Variants in KLHL3 observed in about 807,000 individuals in gnomAD.
KLHL3 encodes the protein kelch like family member 3.
A neutral mutation model predicts 70.5 loss-of-function variants in KLHL3; 19 were observed. The ratio of observed to expected loss-of-function variants is 0.27; its 90% CI spans 0.19 to 0.40. KLHL3 has a LOEUF of 0.40. Among genes scored for constraint, KLHL3 ranks in the 10% least tolerant of loss-of-function variants. The probability of loss-of-function intolerance (pLI) is 1.00; values close to 1 mark genes in which losing one functional copy is unlikely to be tolerated. For missense variants in KLHL3, 512 were observed against 771.1 expected (o/e 0.66, Z 3.98); for synonymous variants, 258 against 290.3 (o/e 0.89, Z 1.13).
Position 137,621,571 on chromosome 5 carries a change from A to T in KLHL3, c.*527T>A, listed in dbSNP as rs1750300605. 1 of 153,690 alleles carries T rather than the reference A, an allele frequency of 6.5e-6. No individual in the cohort carries two copies. The highest frequency in any genetic ancestry group is 1.5e-5 in the Non-Finnish European group (1 of 68,800). The allele number at this position is 153,690 out of a possible 1,614,324, so 9.5% of individuals were successfully genotyped here. A position where few individuals can be genotyped will look rare whatever the true frequency, so the allele number is the denominator to read the frequency against. ...CAGAGAACTGCCCCTCTCACTGGTT[A>T]TTTCTGGACATTCCCAGACTGTCCA... is the stretch of plus-strand genomic sequence containing the variant. On this transcript the variant is annotated 3_prime_UTR_variant, in exon 15 of 15. Transcript: ENST00000309755.
Position 137,639,175 on chromosome 5 carries a change from C to G in KLHL3, c.1022-25G>C, listed in dbSNP as rs1315698109. ...CCTGAGGCACAGGAAACCAAGACATCAAGGTCAGGTCAGGCGCATGACTGC... is the reference window on the plus strand; with the variant it reads ...CCTGAGGCACAGGAAACCAAGACATGAAGGTCAGGTCAGGCGCATGACTGC... On this transcript the variant is annotated intron_variant, in intron 9 of 14. Transcript: ENST00000309755. This position sits in a 1 kb window ranked among gnomAD's most constrained non-coding sequence, Gnocchi z 5.0. 1 of 1,610,644 alleles carries G rather than the reference C, an allele frequency of 6.2e-7. No homozygotes were observed. The highest frequency in any genetic ancestry group is 8.5e-7 in the Non-Finnish European group (1 of 1,178,044).
Position 137,625,782 on chromosome 5 carries a change from G to T in KLHL3, c.1706C>A (p.Thr569Lys), listed in dbSNP as rs371683196. The part of the protein sequence containing the change: ...PVTDKWTLLP[T>K]NMSTGRSYAG... ...ATAGCTCCGCCCCGTGCTCATGTTC[G>T]TTGGAAGCAGCGTCCATTTGTCAGT... is the stretch of plus-strand genomic sequence containing the variant. Residue 569 changes from threonine (T) to lysine (K), a missense_variant, in exon 14 of 15, where the codon ACG becomes AAG. By Grantham distance (78) the Thr-to-Lys change is moderately conservative (BLOSUM62 -1). Coordinates refer to ENST00000309755, the MANE Select transcript of KLHL3 (RefSeq NM_017415.3). The T allele has an allele frequency of 6.2e-7, 1 of 1,614,014 alleles. No individual in the cohort carries two copies. Among genetic ancestry groups the T allele is most frequent in the Admixed American group, 1.7e-5 (1 of 60,002 alleles).
chr5:137,645,144 G>T (rs537491105), intron 8 of KLHL3, among the ~76,000 whole-genome samples: 1 of 152,198 alleles, frequency 6.6e-6, no homozygotes, highest in East Asian at 1.9e-4. Context: ...CAACAAATTA[G>T]AAATAGAAGG....
At position 137,639,411 on chromosome 5, in the gene KLHL3, G is replaced by C. The variant is rs1293155360; in HGVS notation, c.1022-261C>G. On this transcript the variant is annotated intron_variant, in intron 9 of 14. Coordinates refer to ENST00000309755, the MANE Select transcript of KLHL3 (RefSeq NM_017415.3). This position sits in a 1 kb window ranked among gnomAD's most constrained non-coding sequence, Gnocchi z 5.0. ...CCCAAAAGAGCCAAAAACTGTGCAAGTGGCCGGGCATGGTAGCTCACGCCT... is the reference window on the plus strand; with the variant it reads ...CCCAAAAGAGCCAAAAACTGTGCAACTGGCCGGGCATGGTAGCTCACGCCT... Among the ~76,000 whole-genome samples, 1 of 152,144 alleles carries C rather than the reference G, an allele frequency of 6.6e-6. No individual in the cohort carries two copies. Among genetic ancestry groups the C allele is most frequent in the Non-Finnish European group, 1.5e-5 (1 of 68,028 alleles).
intron 10 of KLHL3, among the ~76,000 whole-genome samples, chr5:137,638,484 C>T (rs1481930766): frequency 6.6e-6 from 1 of 152,096 alleles, no homozygotes; most frequent in Non-Finnish European, 1.5e-5. Context: ...GGAGGCTCAC[C>T]TATGGTGAAA....
intron 2 of KLHL3, among the ~76,000 whole-genome samples, chr5:137,712,424 G>C (rs1279186635): frequency 6.6e-6 from 1 of 152,202 alleles, no homozygotes. Flanking sequence ...TGGGTGGAAA[G>C]TGTATCTTAA....
chr5:137,699,382 C>G (rs1283187410), intron 3 of KLHL3, among the ~76,000 whole-genome samples: 1 of 152,116 alleles, frequency 6.6e-6, no homozygotes, highest in Non-Finnish European at 1.5e-5. Context: ...CAGGGCTTGA[C>G]AAGCCCTGTA....
At chr5:137,625,663 A>G (rs1053390084) in intron 14 of KLHL3, 90 bp downstream of exon 14, 2 of 1,489,878 alleles carry the variant, frequency 1.3e-6, no homozygotes, top group Non-Finnish European at 1.8e-6. Context: ...AAGCAAGCTC[A>G]CATCCCCTCA....
chr5:137,697,588 C>T (rs1435907290), intron 4 of KLHL3, among the ~76,000 whole-genome samples: 1 of 152,226 alleles, frequency 6.6e-6, no homozygotes, highest in Non-Finnish European at 1.5e-5. Context: ...AATGCATCCA[C>T]ATGCTGGGAG....
chr5:137,733,825 T>C (rs1213156869), intron 1 of KLHL3, among the ~76,000 whole-genome samples: 3 of 152,212 alleles, frequency 2.0e-5, no homozygotes, highest in Non-Finnish European at 2.9e-5. Flanking sequence ...GCAGTGGAAA[T>C]GGGAACAGGA....
intron 2 of KLHL3, among the ~76,000 whole-genome samples, chr5:137,710,251 C>T (rs1367919568): frequency 6.6e-6 from 1 of 152,158 alleles, no homozygotes; most frequent in Non-Finnish European, 1.5e-5. Flanking sequence ...ATGAGCATAC[C>T]AGTGAAGTGT....
chr5:137,658,379 T>C (rs1751395417), intron 7 of KLHL3, 99 bp from the exon 8 acceptor site: 3 of 1,106,972 alleles, frequency 2.7e-6, no homozygotes, highest in Admixed American at 1.9e-5. Context: ...CCACACTCAT[T>C]CATTCCTTCA....
At chr5:137,642,429 T>C (rs951031984) in intron 8 of KLHL3, among the ~76,000 whole-genome samples, 1 of 152,200 alleles carries the variant, frequency 6.6e-6, no homozygotes, top group African/African-American at 2.4e-5. Context: ...CCTCTGAGAT[T>C]TCACCTGCCC....
In KLHL3 at chr5:137,639,520, C is replaced by CT. The variant is rs1750855662; in HGVS notation, c.1021+339_1021+340insA. On this transcript the variant is annotated intron_variant, in intron 9 of 14. Transcript: ENST00000309755. The surrounding 1 kb of genome is among the most constrained non-coding windows in gnomAD (Gnocchi z 5.0). ...GACCAGCTTGGCCAAAATGGTGAAA[C>CT]CCGTCTCTACTAAAAATGCAAAAAT... Among the ~76,000 whole-genome samples the CT allele has an allele frequency of 6.6e-6, 1 of 151,906 alleles. No individual in the cohort carries two copies. The highest frequency in any genetic ancestry group is 1.5e-5 in the Non-Finnish European group (1 of 67,974).
intron 8 of KLHL3, among the ~76,000 whole-genome samples, chr5:137,649,105 C>T (rs1449690490): frequency 2.6e-5 from 4 of 152,176 alleles, no homozygotes; most frequent in South Asian, 2.1e-4. Context: ...CACAGGGCCT[C>T]GGGCCAGTCA....
chr5:137,709,974 A>C (rs897674838), intron 2 of KLHL3, 118 bp from the exon 3 acceptor site: 26 of 771,574 alleles, frequency 3.4e-5, no homozygotes, highest in Non-Finnish European at 5.8e-5. Flanking sequence ...AAGCTGTCAC[A>C]GGGACTTGCT....
rs554382773 is a variant in KLHL3, at chr5:137,620,975, T to A, written c.*1123A>T. The A allele has an allele frequency of 1.3e-5, 2 of 152,390 alleles. No individual in the cohort carries two copies. The highest frequency in any genetic ancestry group is 4.8e-5 in the African/African-American group (2 of 41,578). The allele number at this position is 152,390 out of a possible 1,614,324, so 9.4% of individuals were successfully genotyped here. A position where few individuals can be genotyped will look rare whatever the true frequency, so the allele number is the denominator to read the frequency against. On this transcript the variant is annotated 3_prime_UTR_variant, in exon 15 of 15. Coordinates refer to ENST00000309755, the MANE Select transcript of KLHL3 (RefSeq NM_017415.3). Reference sequence around the variant, plus strand: ...GGTATATTCCTTTGAAGCCATCCAATGTCCATCTGAATCACACACGACCCC... The same window carrying A: ...GGTATATTCCTTTGAAGCCATCCAAAGTCCATCTGAATCACACACGACCCC...
At chr5:137,689,601 C>T (rs1294055050) in intron 5 of KLHL3, among the ~76,000 whole-genome samples, 1 of 152,204 alleles carries the variant, frequency 6.6e-6, no homozygotes, top group Non-Finnish European at 1.5e-5. Context: ...CGTGTTTTCA[C>T]TTGTAAGTGG....
chr5:137,630,467 T>G (rs1456183590), intron 12 of KLHL3, among the ~76,000 whole-genome samples: 2 of 151,772 alleles, frequency 1.3e-5, no homozygotes, highest in Non-Finnish European at 2.9e-5. Flanking sequence ...CCCTCCAACT[T>G]CGTGCCTGGC....
Sources: gnomAD v4.1 joint callset for allele counts (sites outside exome capture counted in the v4.1 genomes callset) on GRCh38, gnomAD v4.1.1 for gene constraint, Gnocchi (gnomAD v3.1) non-coding constraint, MANE v1.5 for transcripts, NCBI Gene and HGNC (gene_info 2026-07-23, HGNC 2026-07-21) for gene names.